The following ARRDC1 variants were observed in gnomAD, a reference collection of about 807,000 sequenced individuals.
ARRDC1 encodes the protein arrestin domain-containing protein 1.
A neutral mutation model predicts 40.1 loss-of-function variants in ARRDC1; 37 were observed. The observed-to-expected ratio is 0.92, with a 90% CI of 0.71 to 1.21. The LOEUF is 1.21. ARRDC1 is among the 50% of genes most tolerant of loss of function. The pLI is 0.00. For missense variants in ARRDC1, 641 were observed against 581.9 expected (o/e 1.10, Z -1.04); for synonymous variants, 310 against 262.5 (o/e 1.18, Z -1.75).
At chr9:137,607,364 C>G (rs569536791) in intron 1 of ARRDC1, among the ~76,000 whole-genome samples, 12 of 152,364 alleles carry the variant, frequency 7.9e-5, no homozygotes, top group African/African-American at 2.6e-4. Context: ...GCAGCCCTGC[C>G]TGGGCCCCAG....
intron 1 of ARRDC1, among the ~76,000 whole-genome samples, chr9:137,606,514 G>T (rs916344709): frequency 2.0e-5 from 3 of 152,232 alleles, no homozygotes; most frequent in Non-Finnish European, 4.4e-5. Flanking sequence ...TGGACTTGCC[G>T]CTGGACCTTG....
chr9:137,605,848 C>T lies in ARRDC1; in HGVS notation c.118+13C>T, dbSNP rs1001090416. 8.9e-6 allele frequency: 11 copies of T among 1,239,026 alleles called. No individual in the cohort carries two copies. Among genetic ancestry groups the T allele is most frequent in the East Asian group, 3.3e-5 (1 of 30,348 alleles). 76.8% of individuals were successfully genotyped at this position (1,239,026 alleles called of 1,614,324 possible). A position where few individuals can be genotyped will look rare whatever the true frequency, so the allele number is the denominator to read the frequency against. On this transcript the variant is annotated intron_variant, in intron 1 of 7. Coordinates refer to ENST00000371421, the MANE Select transcript of ARRDC1 (RefSeq NM_152285.4). ...CTGCCGTTCCGAGGTGGGCGCGGGT[C>T]CTCGGGGAGGGCCTTTGGCCGCACC...
intron 1 of ARRDC1, among the ~76,000 whole-genome samples, chr9:137,608,850 A>G (rs1392520885): frequency 1.3e-5 from 2 of 152,150 alleles, no homozygotes; most frequent in Admixed American, 6.5e-5. Context: ...TTCACTTTGG[A>G]CAGTGGTTGG....
At chr9:137,608,143 C>T (rs1392538385) in intron 1 of ARRDC1, among the ~76,000 whole-genome samples, 3 of 152,190 alleles carry the variant, frequency 2.0e-5, no homozygotes, top group East Asian at 1.9e-4. Flanking sequence ...CCACCACACC[C>T]GGCTAATTTG....
At chr9:137,613,877 A>AG in intron 4 of ARRDC1, 108 bp downstream of exon 4, 4 of 1,532,122 alleles carry the variant, frequency 2.6e-6, no homozygotes, top group Non-Finnish European at 2.7e-6. Flanking sequence ...AGCTGAGGTG[A>AG]GGGGGGCCAG....
chr9:137,613,326 G>A (rs1842574513), intron 2 of ARRDC1, 134 bp from the exon 3 acceptor site: 3 of 995,258 alleles, frequency 3.0e-6, no homozygotes, highest in Admixed American at 2.1e-5. Flanking sequence ...CTGTGCTGCT[G>A]TGGCGCTGGT....
intron 1 of ARRDC1, chr9:137,611,579 AC>A (rs1842519897): frequency 5.5e-5 from 8 of 146,196 alleles, no homozygotes; most frequent in African/African-American, 1.8e-4. Context: ...AACAACAACA[AC>A]AACAACAAAA....
intron 4 of ARRDC1, 39 bp from the exon 5 acceptor site, chr9:137,613,993 C>T (rs527732535): frequency 3.3e-5 from 53 of 1,608,076 alleles, no homozygotes; most frequent in East Asian, 2.7e-4. Flanking sequence ...ATCCAGCCTG[C>T]GCACACCTGC....
chr9:137,613,533 C>T (rs1200073601), intron 3 of ARRDC1, 23 bp downstream of exon 3: 1 of 1,613,810 alleles, frequency 6.2e-7, no homozygotes, highest in East Asian at 2.2e-5. Flanking sequence ...CCTGGACAGG[C>T]CTGGTGATGA....
chr9:137,615,267 C>A lies in ARRDC1; in HGVS notation c.*129C>A. On this transcript the variant is annotated 3_prime_UTR_variant, in exon 8 of 8. Transcript: ENST00000371421. ...GCCCAGCCTCTGCCAGCTCCTCTGG[C>A]ATCCGCCCTCTTCTCCCTGGGGCTG... 1.1e-6 allele frequency: 1 copy of A among 883,808 alleles called. No homozygotes were observed. The highest frequency in any genetic ancestry group is 1.6e-6 in the Non-Finnish European group (1 of 617,108). 54.7% of individuals were successfully genotyped at this position (883,808 alleles called of 1,614,324 possible). A position where few individuals can be genotyped will look rare whatever the true frequency, so the allele number is the denominator to read the frequency against.
chr9:137,612,683 G>T, intron 1 of ARRDC1: 1 of 535,908 alleles, frequency 1.9e-6, no homozygotes, highest in Non-Finnish European at 3.3e-6. Flanking sequence ...TTTTGTGCTG[G>T]TCAGGCCCCT....
chr9:137,615,217 GC>G lies in ARRDC1; in HGVS notation c.*81del, dbSNP rs966634114. 2.3e-6 allele frequency: 3 copies of G among 1,316,794 alleles called. No homozygotes were observed. The African/African-American group carries it at 4.5e-5, about 20-fold the overall frequency. The allele number at this position is 1,316,794 out of a possible 1,614,324, so 81.6% of individuals were successfully genotyped here. On this transcript the variant is annotated 3_prime_UTR_variant, in exon 8 of 8. Coordinates refer to ENST00000371421, the MANE Select transcript of ARRDC1 (RefSeq NM_152285.4). ...CCAGGGCCTCGTGCCTTCTCTCTTG[GC>G]CTAGCCTGGCCCACTCAGGACCTGC... is the stretch of plus-strand genomic sequence containing the variant.
Position 137,615,301 on chromosome 9 carries a change from G to T in ARRDC1, c.*163G>T. The T allele has an allele frequency of 1.5e-6, 1 of 674,674 alleles. No individual in the cohort carries two copies. The highest frequency in any genetic ancestry group is 2.4e-5 in the South Asian group (1 of 40,836). 41.8% of individuals were successfully genotyped at this position (674,674 alleles called of 1,614,324 possible). ...TCTTCTCCCTGGGGCTGGGGTGGGG[G>T]TGGCAGGGAGCTGGGACCTGGAGAG... On this transcript the variant is annotated 3_prime_UTR_variant, in exon 8 of 8. Coordinates refer to ENST00000371421, the MANE Select transcript of ARRDC1 (RefSeq NM_152285.4).
At chr9:137,606,462 C>T (rs1032049086) in intron 1 of ARRDC1, among the ~76,000 whole-genome samples, 18 of 152,258 alleles carry the variant, frequency 1.2e-4, no homozygotes, top group African/African-American at 3.4e-4. Flanking sequence ...CCTTGGCCTC[C>T]TGTGGGAACC....
At chr9:137,609,253 A>ATTTATTTT (rs1554817286) in intron 1 of ARRDC1, among the ~76,000 whole-genome samples, 1 of 151,974 alleles carries the variant, frequency 6.6e-6, no homozygotes, top group Non-Finnish European at 1.5e-5. Flanking sequence ...TTATTTATTT[A>ATTTATTTT]TTTACGTTGC....
At chr9:137,611,660 A>C (rs1842524177) in intron 1 of ARRDC1, 1 of 146,020 alleles carries the variant, frequency 6.8e-6, no homozygotes, top group South Asian at 2.1e-4. Flanking sequence ...AGGCCCTGGC[A>C]GCGCCCGGGG....
chr9:137,613,812 A>G, intron 4 of ARRDC1, 43 bp downstream of exon 4: 1 of 1,605,200 alleles, frequency 6.2e-7, no homozygotes, highest in Non-Finnish European at 8.5e-7. Context: ...CCCCACCCTC[A>G]TGGAGGCTGG....
chr9:137,615,283 C>G lies in ARRDC1; in HGVS notation c.*145C>G, dbSNP rs1842653475. ...CTCCTCTGGCATCCGCCCTCTTCTC[C>G]CTGGGGCTGGGGTGGGGGTGGCAGG... On this transcript the variant is annotated 3_prime_UTR_variant, in exon 8 of 8. Coordinates refer to ENST00000371421, the MANE Select transcript of ARRDC1 (RefSeq NM_152285.4). 1 of 784,156 alleles carries G rather than the reference C, an allele frequency of 1.3e-6. No homozygotes were observed. The highest frequency in any genetic ancestry group is 1.8e-5 in the African/African-American group (1 of 56,204). The allele number at this position is 784,156 out of a possible 1,614,324, so 48.6% of individuals were successfully genotyped here.
chr9:137,611,465 G>A (rs1842515657), intron 1 of ARRDC1: 1 of 152,362 alleles, frequency 6.6e-6, no homozygotes, highest in Non-Finnish European at 1.5e-5. Flanking sequence ...GGGCTGAGAT[G>A]GGTGGATCGC....
Sources: gnomAD v4.1 joint callset for allele counts (sites outside exome capture counted in the v4.1 genomes callset) on GRCh38, gnomAD v4.1.1 for gene constraint, MANE v1.5 for transcripts, NCBI Gene and HGNC (gene_info 2026-07-23, HGNC 2026-07-21) for gene names.